Variants in LIMS1 observed in about 807,000 individuals in gnomAD.
LIMS1 encodes the protein LIM and senescent cell antigen-like-containing domain protein 1.
In LIMS1, 18 loss-of-function variants were observed where a neutral mutation model predicts 44.1. That is an observed-to-expected ratio of 0.41 (90% CI 0.28 to 0.61). The LOEUF is 0.61. Ranked by LOEUF, LIMS1 falls within the 20% of genes least tolerant of loss-of-function variation. The pLI is 0.32. For missense variants in LIMS1, 201 were observed against 422.0 expected (o/e 0.48, Z 4.59); for synonymous variants, 93 against 149.1 (o/e 0.62, Z 2.74).
chr2:108,616,359 T>C (rs978691756), intron 1 of LIMS1, among the ~76,000 whole-genome samples: 2 of 152,098 alleles, frequency 1.3e-5, no homozygotes, highest in Admixed American at 1.3e-4. Flanking sequence ...CTACAGGCAC[T>C]CGCCACCACG....
At chr2:108,573,955 A>G (rs1685578996) in intron 1 of LIMS1, among the ~76,000 whole-genome samples, 1 of 152,116 alleles carries the variant, frequency 6.6e-6, no homozygotes. Flanking sequence ...CCATTCAGCT[A>G]GGGAATGGCT....
rs150379962 is a variant in LIMS1 at position 108,586,186 on chromosome 2, C to T, written c.32+51592C>T. ...CAGCCTGGACGACAGAGCGAGACTC[C>T]GTCTCAAAACACAAAAAAAAACAAA... is the stretch of plus-strand genomic sequence containing the variant. On this transcript the variant is annotated intron_variant, in intron 1 of 9. Coordinates refer to ENST00000544547, the Ensembl canonical transcript of LIMS1. Among the ~76,000 whole-genome samples the T allele has an allele frequency of 1.1e-4, 16 of 151,326 alleles. No homozygotes were observed. The South Asian group carries it at 1.9e-3, about 18-fold the overall frequency.
upstream of LIMS1, chr2:108,533,862 C>T (rs1369413156): frequency 6.6e-6 from 1 of 152,582 alleles, no homozygotes; most frequent in Non-Finnish European, 1.5e-5. Flanking sequence ...CCATGCGGAG[C>T]TCAGGCACCC....
intron 1 of LIMS1, among the ~76,000 whole-genome samples, chr2:108,591,087 G>A (rs1196394783): frequency 1.3e-5 from 2 of 152,190 alleles, no homozygotes; most frequent in African/African-American, 4.8e-5. Flanking sequence ...AAGCATCTGT[G>A]ATGTTGCAGT....
At chr2:108,602,714 T>C (rs1373933805) in intron 1 of LIMS1, among the ~76,000 whole-genome samples, 1 of 152,236 alleles carries the variant, frequency 6.6e-6, no homozygotes, top group Non-Finnish European at 1.5e-5. Flanking sequence ...AGTATTTTGT[T>C]GAAGAATTTT....
rs148438540 is a variant in LIMS1 at position 108,653,564 on chromosome 2, A to C, written c.33-6041A>C. ...ACTGCCCTGAGAGGATGGGGACGTG[A>C]GAAAGATTCTGAGCCCTTTAGTTGT... is the stretch of plus-strand genomic sequence containing the variant. On this transcript the variant is annotated intron_variant, in intron 1 of 9. Transcript: ENST00000544547. Among the ~76,000 whole-genome samples, 463 of 152,274 alleles carry C rather than the reference A, an allele frequency of 3.0e-3. 1 individual carries two copies. The highest frequency in any genetic ancestry group is 8.8e-3 in the African/African-American group (364 of 41,540).
chr2:108,552,053 TG>T lies in LIMS1; in HGVS notation c.32+17460del, dbSNP rs1201344627. On this transcript the variant is annotated intron_variant, in intron 1 of 9. Coordinates refer to ENST00000544547, the Ensembl canonical transcript of LIMS1. ...TTGTGAGAAGTACAGAGGTCTCTAA[TG>T]TGTGTATATGTGTGTGTATGTGTGT... Among the ~76,000 whole-genome samples, 9 of 145,924 alleles carry T rather than the reference TG, an allele frequency of 6.2e-5. No homozygotes were observed. The East Asian group carries it at 1.8e-3, about 29-fold the overall frequency.
intron 1 of LIMS1, among the ~76,000 whole-genome samples, chr2:108,645,103 C>T: frequency 6.6e-6 from 1 of 152,018 alleles, no homozygotes; most frequent in Non-Finnish European, 1.5e-5. Flanking sequence ...AGAACTTCCC[C>T]AACCTAGCAA....
intron 1 of LIMS1, among the ~76,000 whole-genome samples, chr2:108,642,194 G>T (rs528986512): frequency 1.3e-5 from 2 of 152,024 alleles, no homozygotes; most frequent in Non-Finnish European, 2.9e-5. Flanking sequence ...TAAGCACTCC[G>T]CTTTTTCTAT....
chr2:108,562,183 C>T (rs1685147911), intron 1 of LIMS1, among the ~76,000 whole-genome samples: 1 of 152,216 alleles, frequency 6.6e-6, no homozygotes, highest in African/African-American at 2.4e-5. Flanking sequence ...CGATCTCTCA[C>T]CCTCTCCTTG....
intron 1 of LIMS1, among the ~76,000 whole-genome samples, chr2:108,569,535 A>G (rs1173448946): frequency 1.3e-5 from 2 of 151,950 alleles, no homozygotes; most frequent in Admixed American, 6.6e-5. Flanking sequence ...TTGAATGTGG[A>G]TGTCCGGTTT....
chr2:108,675,061 A>C (rs574319073), intron 5 of LIMS1, among the ~76,000 whole-genome samples: 37 of 152,102 alleles, frequency 2.4e-4, no homozygotes, highest in Middle Eastern at 3.4e-3. Context: ...ACCTATAACT[A>C]TTTTCAACAG....
chr2:108,572,854 G>A (rs950400816), intron 1 of LIMS1, among the ~76,000 whole-genome samples: 1 of 152,130 alleles, frequency 6.6e-6, no homozygotes, highest in Non-Finnish European at 1.5e-5. Context: ...CGCTGAACCT[G>A]CCTCCCCACC....
At chr2:108,551,491 G>GCACA (rs67589132) in intron 1 of LIMS1, among the ~76,000 whole-genome samples, 3,013 of 114,804 alleles carry the variant, frequency 0.026, 39 homozygotes, top group South Asian at 0.051. Context: ...GCGCGCGCGC[G>GCACA]CACACACACA....
At chr2:108,621,599 C>G (rs114753473) in intron 1 of LIMS1, 8,672 of 673,620 alleles carry the variant, frequency 0.013, 120 homozygotes, top group African/African-American at 0.046. Context: ...AAAAACTGAA[C>G]ACAATATCAA....
At chr2:108,647,296 C>G (rs2148935238) in intron 1 of LIMS1, among the ~76,000 whole-genome samples, 1 of 152,288 alleles carries the variant, frequency 6.6e-6, no homozygotes, top group Admixed American at 6.5e-5. Flanking sequence ...AGACCAATAA[C>G]AAGTTCTGAA....
chr2:108,549,530 C>A (rs1174254475), intron 1 of LIMS1, among the ~76,000 whole-genome samples: 1 of 151,800 alleles, frequency 6.6e-6, no homozygotes, highest in South Asian at 2.1e-4. Flanking sequence ...TGTTTGCTTT[C>A]TCCATTAGGA....
intron 1 of LIMS1, among the ~76,000 whole-genome samples, chr2:108,601,210 A>G (rs1686997411): frequency 6.6e-6 from 1 of 152,202 alleles, no homozygotes; most frequent in African/African-American, 2.4e-5. Flanking sequence ...AAATGATATA[A>G]TAAACAAATT....
At chr2:108,551,895 ATG>A (rs1332664034) in intron 1 of LIMS1, among the ~76,000 whole-genome samples, 1 of 142,648 alleles carries the variant, frequency 7.0e-6, no homozygotes, top group Non-Finnish European at 1.5e-5. Flanking sequence ...GTGTATATAC[ATG>A]TATATATGTA....
Sources: gnomAD v4.1 joint callset for allele counts (sites outside exome capture counted in the v4.1 genomes callset) on GRCh38, gnomAD v4.1.1 for gene constraint, MANE v1.5 for transcripts, NCBI Gene and HGNC (gene_info 2026-07-23, HGNC 2026-07-21) for gene names.